The following PDGFD variants were observed in gnomAD, a reference collection of about 807,000 sequenced individuals.
PDGFD encodes the protein platelet-derived growth factor D.
A neutral mutation model predicts 44.7 loss-of-function variants in PDGFD; 30 were observed. The ratio of observed to expected loss-of-function variants is 0.67; its 90% CI spans 0.50 to 0.91. The LOEUF is 0.91. Ranked by LOEUF, PDGFD falls within the 40% of genes least tolerant of loss-of-function variation. The pLI, the probability that PDGFD is intolerant of heterozygous loss-of-function variation, is 0.00. For synonymous variants in PDGFD, 173 were observed against 168.4 expected (o/e 1.03, Z -0.21); for missense variants, 445 against 457.8 (o/e 0.97, Z 0.25).
At chr11:103,971,844 T>C (rs1485623184) in intron 3 of PDGFD, among the ~76,000 whole-genome samples, 2 of 152,196 alleles carry the variant, frequency 1.3e-5, no homozygotes, top group Non-Finnish European at 2.9e-5. Context: ...ACTTTGTTAA[T>C]TATATCAATT....
rs1591083912 is a variant in PDGFD, at chr11:103,936,779, TG to T, written c.772+6672del. On this transcript the variant is annotated intron_variant, in intron 5 of 6. Transcript: ENST00000393158. ...ATTTGGAACTAATTTAGTATCAAGA[TG>T]TTTACTGCACTCAATATTAAAATAC... is the stretch of plus-strand genomic sequence containing the variant. 2.0e-5 allele frequency among the ~76,000 whole-genome samples: 3 copies of T among 152,180 alleles called. No homozygotes were observed. In the East Asian group the frequency reaches 5.8e-4, roughly 29 times the overall value.
chr11:104,129,408 T>A (rs1334382740), intron 1 of PDGFD, among the ~76,000 whole-genome samples: 1 of 152,118 alleles, frequency 6.6e-6, no homozygotes, highest in African/African-American at 2.4e-5. Flanking sequence ...TTTCCTCCTG[T>A]GATCATCTTG....
intron 1 of PDGFD, among the ~76,000 whole-genome samples, chr11:104,080,526 T>C (rs1226807815): frequency 1.3e-5 from 2 of 152,226 alleles, no homozygotes; most frequent in Admixed American, 1.3e-4. Flanking sequence ...TGACATTCGC[T>C]GCATATCAGT....
chr11:104,037,770 C>T (rs1410906838), intron 1 of PDGFD: 5 of 1,614,164 alleles, frequency 3.1e-6, no homozygotes, highest in Non-Finnish European at 3.4e-6. Flanking sequence ...TCTTACAGTG[C>T]TCTTTCTCCA....
At chr11:104,157,003 A>G (rs1281605830) in intron 1 of PDGFD, among the ~76,000 whole-genome samples, 1 of 152,190 alleles carries the variant, frequency 6.6e-6, no homozygotes, top group Non-Finnish European at 1.5e-5. Context: ...CTCACATAGA[A>G]GTGTAAAAAT....
chr11:104,141,478 C>T (rs1481289981), intron 1 of PDGFD, among the ~76,000 whole-genome samples: 4 of 151,274 alleles, frequency 2.6e-5, no homozygotes, highest in Non-Finnish European at 5.9e-5. Flanking sequence ...TAAGTGAGTT[C>T]TCTTATCTCT....
rs762332433 is a variant in PDGFD, at chr11:103,927,159, C to T, written c.773-33G>A. Reference sequence around the variant, plus strand: ...CAAATACATGCACTGTGTAAGCAAACACAACAGTAAGCACAATTGCTCAGC... The same window carrying T: ...CAAATACATGCACTGTGTAAGCAAATACAACAGTAAGCACAATTGCTCAGC... On this transcript the variant is annotated intron_variant, in intron 5 of 6. Coordinates refer to ENST00000393158, the MANE Select transcript of PDGFD (RefSeq NM_025208.5). The T allele has an allele frequency of 3.2e-6, 5 of 1,577,146 alleles. No individual in the cohort carries two copies. In the South Asian group the frequency reaches 4.4e-5, roughly 14 times the overall value.
At chr11:104,081,649 G>A (rs1413849958) in intron 1 of PDGFD, among the ~76,000 whole-genome samples, 26 of 152,014 alleles carry the variant, frequency 1.7e-4, no homozygotes, top group Admixed American at 1.7e-3. Flanking sequence ...CTGTTGATAA[G>A]AATATTCAGC....
At chr11:103,971,571 G>A (rs2134344581) in intron 3 of PDGFD, among the ~76,000 whole-genome samples, 1 of 152,242 alleles carries the variant, frequency 6.6e-6, no homozygotes, top group Middle Eastern at 3.4e-3. Context: ...GAGATTTTCT[G>A]TACATTGAAA....
chr11:103,936,695 C>A (rs1858493240), intron 5 of PDGFD, among the ~76,000 whole-genome samples: 1 of 152,068 alleles, frequency 6.6e-6, no homozygotes. Context: ...GTAACTGTTC[C>A]ACAGTTGTAA....
intron 6 of PDGFD, among the ~76,000 whole-genome samples, chr11:103,920,152 T>C (rs1858191581): frequency 6.6e-6 from 1 of 152,174 alleles, no homozygotes. Flanking sequence ...AGTGTTATAT[T>C]AAGAAGTTAA....
chr11:103,911,285 C>T lies in PDGFD; in HGVS notation c.988-1466G>A, dbSNP rs1015635840. Among the ~76,000 whole-genome samples the T allele has an allele frequency of 2.6e-5, 4 of 152,166 alleles. No homozygotes were observed. The South Asian group carries it at 8.3e-4, about 31-fold the overall frequency. ...GGTCCCTGACCCCCATGTATCCTGA[C>T]TGGGAGACATCTCCCATTAGGGGCC... is the stretch of plus-strand genomic sequence containing the variant. On this transcript the variant is annotated intron_variant, in intron 6 of 6. Coordinates refer to ENST00000393158, the MANE Select transcript of PDGFD (RefSeq NM_025208.5).
chr11:103,994,072 C>A (rs114414568), intron 3 of PDGFD, among the ~76,000 whole-genome samples: 1 of 152,126 alleles, frequency 6.6e-6, no homozygotes, highest in African/African-American at 2.4e-5. Flanking sequence ...TGCACCATAA[C>A]CCAAAACACA....
chr11:104,069,624 T>C (rs951842871), intron 1 of PDGFD, among the ~76,000 whole-genome samples: 1 of 151,396 alleles, frequency 6.6e-6, no homozygotes, highest in Non-Finnish European at 1.5e-5. Flanking sequence ...ACTTTGGGAG[T>C]TCGAGGCCAG....
In PDGFD at chr11:103,943,657, G is replaced by A; in HGVS notation, c.574-7C>T. The A allele has an allele frequency of 1.2e-6, 2 of 1,608,452 alleles. No individual in the cohort carries two copies. The highest frequency in any genetic ancestry group is 1.7e-6 in the Non-Finnish European group (2 of 1,176,272). On this transcript the variant is annotated splice_polypyrimidine_tract_variant and splice_region_variant and intron_variant, in intron 4 of 6. Coordinates refer to ENST00000393158, the MANE Select transcript of PDGFD (RefSeq NM_025208.5). ...GAGAGTTATAGGATACCCCCTAAGA[G>A]TGACATACAGCTCAGTGTACTCAGA...
At chr11:104,006,391 G>A (rs1224613235) in intron 1 of PDGFD, among the ~76,000 whole-genome samples, 2 of 152,168 alleles carry the variant, frequency 1.3e-5, no homozygotes, top group African/African-American at 4.8e-5. Context: ...CTTTGACTCT[G>A]TAACTCAAGT....
intron 3 of PDGFD, among the ~76,000 whole-genome samples, chr11:103,978,091 C>T (rs892010040): frequency 6.6e-6 from 1 of 152,088 alleles, no homozygotes; most frequent in Non-Finnish European, 1.5e-5. Context: ...ATTTCCATTG[C>T]TAACAGCTGG....
chr11:103,945,394 C>T (rs1396631583), intron 4 of PDGFD, among the ~76,000 whole-genome samples: 1 of 152,118 alleles, frequency 6.6e-6, no homozygotes, highest in Non-Finnish European at 1.5e-5. Context: ...AGGTGGAAGA[C>T]TTATAATTCA....
chr11:104,019,844 GT>G lies in PDGFD; in HGVS notation c.125-19590del, dbSNP rs538130820. ...TTAAAAATAAAAATGTGTTTGGAGTGTTCCCTACTACTTTCTAGTTGTGTGT... is the reference window on the plus strand; with the variant it reads ...TTAAAAATAAAAATGTGTTTGGAGTGTCCCTACTACTTTCTAGTTGTGTGT... On this transcript the variant is annotated intron_variant, in intron 1 of 6. Transcript: ENST00000393158. Among the ~76,000 whole-genome samples the G allele has an allele frequency of 5.9e-5, 9 of 152,150 alleles. No individual in the cohort carries two copies. In the South Asian group the frequency reaches 1.9e-3, roughly 32 times the overall value.
Sources: gnomAD v4.1 joint callset for allele counts (sites outside exome capture counted in the v4.1 genomes callset) on GRCh38, gnomAD v4.1.1 for gene constraint, MANE v1.5 for transcripts, NCBI Gene and HGNC (gene_info 2026-07-23, HGNC 2026-07-21) for gene names.